Variants in PCDHGA10 observed in about 807,000 individuals in gnomAD.
PCDHGA10 encodes the protein protocadherin gamma-A10.
PCDHGA10 carries 42 observed loss-of-function variants against 59.5 expected under a neutral mutation model. The ratio of observed to expected loss-of-function variants is 0.71; its 90% CI spans 0.55 to 0.91. The LOEUF is 0.91. PCDHGA10 is among the 40% of genes least tolerant of loss of function. The probability of loss-of-function intolerance (pLI) is 0.00; values close to 1 mark genes in which losing one functional copy is unlikely to be tolerated. For missense variants in PCDHGA10, 1,111 were observed against 1,198.2 expected, an observed-to-expected ratio of 0.93 and a Z score of 1.07; for synonymous variants, 511 against 517.2, an observed-to-expected ratio of 0.99 and a Z score of 0.16.
At position 141,490,293 on chromosome 5, in the gene PCDHGA10, ATTG is replaced by A; in HGVS notation, c.2437-4513_2437-4511del. The A allele has an allele frequency of 1.9e-6, 3 of 1,614,190 alleles. No individual in the cohort carries two copies. Among genetic ancestry groups the A allele is most frequent in the Non-Finnish European group, 2.5e-6 (3 of 1,180,028 alleles). On this transcript the variant is annotated intron_variant, in intron 1 of 3. Coordinates refer to ENST00000398610, the MANE Select transcript of PCDHGA10 (RefSeq NM_018913.3). The surrounding 1 kb of genome is among the most constrained non-coding windows in gnomAD (Gnocchi z 5.4). ...TCAATGACAATGCCCCAGAGGTGCTATTGGCCTCTTTGGCCAACCCTGTCCTAG... is the reference window on the plus strand; with the variant it reads ...TCAATGACAATGCCCCAGAGGTGCTAGCCTCTTTGGCCAACCCTGTCCTAG...
rs1394234849 is a variant in PCDHGA10 at position 141,415,739 on chromosome 5, GGTTT to G, written c.2436+129_2436+132del. The G allele has an allele frequency of 1.9e-3, 837 of 434,806 alleles. 9 individuals are homozygous for G. In the African/African-American group the frequency reaches 0.026, roughly 14 times the overall value. The allele number at this position is 434,806 out of a possible 1,614,324, so 26.9% of individuals were successfully genotyped here. A position where few individuals can be genotyped will look rare whatever the true frequency, so the allele number is the denominator to read the frequency against. On this transcript the variant is annotated intron_variant, in intron 1 of 3. Coordinates refer to ENST00000398610, the MANE Select transcript of PCDHGA10 (RefSeq NM_018913.3). ...ATGAGTAGAATTTGATGTTTATTAAGGTTTTTTTTTTTTTTTTTTTTTTTTTTTT... is the reference window on the plus strand; with the variant it reads ...ATGAGTAGAATTTGATGTTTATTAAGTTTTTTTTTTTTTTTTTTTTTTTTT...
Position 141,413,844 on chromosome 5 carries a change from C to A in PCDHGA10, c.669C>A (p.Asp223Glu). The change falls in exon 1 of 4, where the codon GAC becomes GAA. Residue 223 changes from aspartate (D) to glutamate (E), a missense_variant. By Grantham distance (45) the Asp-to-Glu change is conservative. Coordinates refer to ENST00000398610, the MANE Select transcript of PCDHGA10 (RefSeq NM_018913.3). The part of the protein sequence containing the change: ...HLVLTASDGG[D>E]PLRSGTVLVS... ...TCCTCACCGCCTCCGACGGGGGTGA[C>A]CCTCTCCGATCTGGCACTGTCCTTG... The A allele has an allele frequency of 1.2e-6, 2 of 1,613,254 alleles. No homozygotes were observed. The highest frequency in any genetic ancestry group is 1.7e-6 in the Non-Finnish European group (2 of 1,179,856).
Position 141,491,755 on chromosome 5 carries a change from G to T in PCDHGA10, c.2437-3052G>T, listed in dbSNP as rs1402188587. 3 of 1,582,078 alleles carry T rather than the reference G, an allele frequency of 1.9e-6. No individual in the cohort carries two copies. Among genetic ancestry groups the T allele is most frequent in the Non-Finnish European group, 2.6e-6 (3 of 1,165,458 alleles). On this transcript the variant is annotated intron_variant, in intron 1 of 3. Coordinates refer to ENST00000398610, the MANE Select transcript of PCDHGA10 (RefSeq NM_018913.3). This position sits in a 1 kb window ranked among gnomAD's most constrained non-coding sequence, Gnocchi z 6.9. ...CCCTGGGGGCGGCACTGGAGAAGCC[G>T]CCCGTCCTCATAAGGGATTGAACTT...
chr5:141,428,338 T>G, intron 1 of PCDHGA10: 7 of 592,492 alleles, frequency 1.2e-5, no homozygotes, highest in East Asian at 3.1e-5. Flanking sequence ...TATGCTCTTC[T>G]TCCTCGCAGT....
At position 141,486,778 on chromosome 5, in the gene PCDHGA10, G is replaced by A. The variant is rs750169906; in HGVS notation, c.2437-8029G>A. The A allele has an allele frequency of 1.2e-6, 2 of 1,614,104 alleles. No individual in the cohort carries two copies. Among genetic ancestry groups the A allele is most frequent in the Admixed American group, 1.7e-5 (1 of 60,006 alleles). ...AAACCCAGACACTGCAGTTTGAGGT[G>A]CAGGCCCGGGATCGGGGCAACCCAC... is the stretch of plus-strand genomic sequence containing the variant. On this transcript the variant is annotated intron_variant, in intron 1 of 3. Coordinates refer to ENST00000398610, the MANE Select transcript of PCDHGA10 (RefSeq NM_018913.3). This position sits in a 1 kb window ranked among gnomAD's most constrained non-coding sequence, Gnocchi z 5.0.
intron 1 of PCDHGA10, chr5:141,422,634 T>C: frequency 1.9e-6 from 3 of 1,612,682 alleles, no homozygotes; most frequent in Non-Finnish European, 2.5e-6. Flanking sequence ...ACCCCAGGGG[T>C]GCCTCCATCT....
At chr5:141,505,673 G>C (rs1389292278) in intron 3 of PCDHGA10, among the ~76,000 whole-genome samples, 192 bp downstream of exon 3, 1 of 152,178 alleles carries the variant, frequency 6.6e-6, no homozygotes, top group East Asian at 1.9e-4. Context: ...AGGGGTTGGG[G>C]GTCCTGGGAT....
chr5:141,481,053 A>T (rs2099530801), intron 1 of PCDHGA10, among the ~76,000 whole-genome samples: 1 of 152,104 alleles, frequency 6.6e-6, no homozygotes, highest in Non-Finnish European at 1.5e-5. Flanking sequence ...GCGAGACTCC[A>T]CCTCAAAAAC....
At chr5:141,499,323 GCTCT>G (rs1259902316) in intron 2 of PCDHGA10, among the ~76,000 whole-genome samples, 1 of 152,046 alleles carries the variant, frequency 6.6e-6, no homozygotes, top group East Asian at 1.9e-4. Context: ...CAGTATCCCT[GCTCT>G]CTCTCAGTTT....
At chr5:141,418,974 G>A in intron 1 of PCDHGA10, 2 of 1,613,936 alleles carry the variant, frequency 1.2e-6, no homozygotes, top group Non-Finnish European at 1.7e-6. Context: ...TTCAAAACAC[G>A]GGACCAAGAC....
chr5:141,415,477 C>T lies in PCDHGA10; in HGVS notation c.2302C>T (p.Arg768Ter). ...CGAGGTCTCTCTCACCGCGGACTCGCGAAAGAGTCACCTGATCTTCCCCCA... is the reference window on the plus strand; with the variant it reads ...CGAGGTCTCTCTCACCGCGGACTCGTGAAAGAGTCACCTGATCTTCCCCCA... The part of the protein sequence containing the change: ...SHEVSLTADS[R>*]KSHLIFPQPN... The change falls in exon 1 of 4, where the codon CGA (arginine) becomes TGA (stop). Residue 768 changes from arginine (R) to a stop codon, truncating the protein, a stop_gained. Coordinates refer to ENST00000398610, the MANE Select transcript of PCDHGA10 (RefSeq NM_018913.3). LOFTEE classifies it high-confidence loss of function. 6.2e-7 allele frequency: 1 copy of T among 1,614,184 alleles called. No individual in the cohort carries two copies. The highest frequency in any genetic ancestry group is 8.5e-7 in the Non-Finnish European group (1 of 1,180,036).
chr5:141,418,517 C>G, intron 1 of PCDHGA10: 1 of 1,613,918 alleles, frequency 6.2e-7, no homozygotes. Flanking sequence ...TGGTGGGGAC[C>G]CTCCCCGAAG....
In PCDHGA10 at chr5:141,485,308, A is replaced by G; in HGVS notation, c.2437-9499A>G. On this transcript the variant is annotated intron_variant, in intron 1 of 3. Coordinates refer to ENST00000398610, the MANE Select transcript of PCDHGA10 (RefSeq NM_018913.3). The surrounding 1 kb of genome is among the most constrained non-coding windows in gnomAD (Gnocchi z 5.7). ...AGGAGTCACAGGAAGGGACTTTTGTAGGGAATGTCGCTCAAGATTTCCTGC... is the reference window on the plus strand; with the variant it reads ...AGGAGTCACAGGAAGGGACTTTTGTGGGGAATGTCGCTCAAGATTTCCTGC... 6.2e-7 allele frequency: 1 copy of G among 1,614,112 alleles called. No individual in the cohort carries two copies. The highest frequency in any genetic ancestry group is 8.5e-7 in the Non-Finnish European group (1 of 1,179,996).
In PCDHGA10 at chr5:141,450,141, G is replaced by A. The variant is rs762961199; in HGVS notation, c.2436+34530G>A. On this transcript the variant is annotated intron_variant, in intron 1 of 3. Transcript: ENST00000398610. ...CCTGCCTTAGCCTCCTGAGTAGCTG[G>A]GACTACAGGCATGTGCCACCACACT... Among the ~76,000 whole-genome samples, 401 of 151,622 alleles carry A rather than the reference G, an allele frequency of 2.6e-3. 1 individual carries two copies. The highest frequency in any genetic ancestry group is 3.8e-3 in the Non-Finnish European group (260 of 67,912).
Position 141,414,567 on chromosome 5 carries a change from T to C in PCDHGA10, c.1392T>C (p.Tyr464=). ...PTFSQVSYFT[Y]IPENNARGAS... is the part of the protein sequence containing the mutation. Reference sequence around the variant, plus strand: ...TCTCTCAAGTCTCCTACTTTACCTATATCCCAGAGAACAACGCCAGGGGTG... The same window carrying C: ...TCTCTCAAGTCTCCTACTTTACCTACATCCCAGAGAACAACGCCAGGGGTG... Residue 464 remains tyrosine, a synonymous_variant, in exon 1 of 4, where the codon TAT becomes TAC. Coordinates refer to ENST00000398610, the MANE Select transcript of PCDHGA10 (RefSeq NM_018913.3). The C allele has an allele frequency of 6.2e-7, 1 of 1,613,962 alleles. No homozygotes were observed. The highest frequency in any genetic ancestry group is 8.5e-7 in the Non-Finnish European group (1 of 1,179,882).
At chr5:141,465,923 C>G (rs908350232) in intron 1 of PCDHGA10, among the ~76,000 whole-genome samples, 2 of 152,062 alleles carry the variant, frequency 1.3e-5, no homozygotes, top group African/African-American at 4.8e-5. Flanking sequence ...GATTTCGAGT[C>G]CATCCTGGCT....
At chr5:141,449,261 G>A (rs148515123) in intron 1 of PCDHGA10, among the ~76,000 whole-genome samples, 101 of 152,156 alleles carry the variant, frequency 6.6e-4, no homozygotes, top group Non-Finnish European at 1.3e-3. Flanking sequence ...ATTGTACAAA[G>A]AACTGTATCT....
intron 1 of PCDHGA10, among the ~76,000 whole-genome samples, chr5:141,425,551 T>C (rs1472337722): frequency 1.3e-5 from 2 of 152,270 alleles, no homozygotes. Context: ...CAGAAACCTC[T>C]TTTATAAGTG....
At chr5:141,427,495 C>A in intron 1 of PCDHGA10, 2 of 562,648 alleles carry the variant, frequency 3.6e-6, no homozygotes, top group South Asian at 1.5e-5. Flanking sequence ...AAGCTTGTAA[C>A]AGATGGGACC....
Sources: gnomAD v4.1 joint callset for allele counts (sites outside exome capture counted in the v4.1 genomes callset) on GRCh38, gnomAD v4.1.1 for gene constraint, Gnocchi (gnomAD v3.1) non-coding constraint, MANE v1.5 for transcripts, NCBI Gene and HGNC (gene_info 2026-07-23, HGNC 2026-07-21) for gene names.